Variants in NOC3L observed in about 807,000 individuals in gnomAD.
NOC3L encodes NOC3 like DNA replication regulator.
In NOC3L, 85 loss-of-function variants were observed where a neutral mutation model predicts 102.5. The observed-to-expected ratio is 0.83, with a 90% CI of 0.70 to 0.99. The LOEUF is 0.99. NOC3L is among the 50% of genes least tolerant of loss of function. The pLI, the probability that NOC3L is intolerant of heterozygous loss-of-function variation, is 0.00. For synonymous variants in NOC3L, 303 were observed against 309.4 expected (o/e 0.98, Z 0.22); for missense variants, 878 against 914.9 (o/e 0.96, Z 0.52).
Position 94,355,091 on chromosome 10 carries a change from T to C in NOC3L, c.568A>G (p.Ile190Val). Reference sequence around the variant, plus strand: ...AGCTCTTGAATAGGATCTTCAATGATCTCTAAAACAGATTAGATGTTCCCT... The same window carrying C: ...AGCTCTTGAATAGGATCTTCAATGACCTCTAAAACAGATTAGATGTTCCCT... Reference protein sequence around the residue: ...QEEERELEEEIIEDPIQELTI... With the variant: ...QEEERELEEEVIEDPIQELTI... The change falls in exon 6 of 21, where the codon ATC becomes GTC. Residue 190 changes from isoleucine (I) to valine (V), a missense_variant and splice_region_variant. By Grantham distance (29) the Ile-to-Val change is conservative. Transcript: ENST00000371361. 6.2e-7 allele frequency: 1 copy of C among 1,609,192 alleles called. No homozygotes were observed. Among genetic ancestry groups the C allele is most frequent in the Non-Finnish European group, 8.5e-7 (1 of 1,177,346 alleles).
Position 94,341,696 on chromosome 10 carries a change from G to T in NOC3L, c.1621C>A (p.Leu541Ile). ...VEFFDDLLVV[L>I]HTLIESGDLS... ...ACACCAGACTCAATGAGAGTATGAAGAACTACTAACAGATCATCAAAAAAT... is the reference window on the plus strand; with the variant it reads ...ACACCAGACTCAATGAGAGTATGAATAACTACTAACAGATCATCAAAAAAT... The change falls in exon 14 of 21, where the codon CTT (leucine) becomes ATT (isoleucine). Residue 541 changes from leucine to isoleucine, a missense_variant. By Grantham distance (5) the Leu-to-Ile change is conservative (BLOSUM62 2). Transcript: ENST00000371361. 1 of 1,554,592 alleles carries T rather than the reference G, an allele frequency of 6.4e-7. No homozygotes were observed.
intron 2 of NOC3L, 138 bp from the exon 3 acceptor site, chr10:94,358,353 G>A (rs989498265): frequency 9.1e-6 from 6 of 659,846 alleles, no homozygotes; most frequent in African/African-American, 1.8e-5. Flanking sequence ...CCAAAATGCT[G>A]GGATTACAGG....
chr10:94,317,654 T>TCCTG, the NOC3L span, among the ~76,000 whole-genome samples: 1 of 152,334 alleles, frequency 6.6e-6, no homozygotes, highest in Middle Eastern at 3.4e-3. Context: ...CCATGATCAT[T>TCCTG]CCTGGGAAGG....
chr10:94,322,760 G>A, the NOC3L span, among the ~76,000 whole-genome samples: 1 of 151,684 alleles, frequency 6.6e-6, no homozygotes, highest in South Asian at 2.1e-4. Context: ...GCGTCAGCCT[G>A]GGCAACAAGA....
At chr10:94,322,437 G>A in the NOC3L span, among the ~76,000 whole-genome samples, 1 of 151,842 alleles carries the variant, frequency 6.6e-6, no homozygotes, top group Admixed American at 6.5e-5. Flanking sequence ...GATCACTTGA[G>A]CTCATGAGTT....
chr10:94,361,585 T>C, intron 2 of NOC3L, 80 bp downstream of exon 2: 2 of 1,414,050 alleles, frequency 1.4e-6, no homozygotes, highest in Non-Finnish European at 2.0e-6. Context: ...AAGCGATTAC[T>C]AGAAAGCAAA....
chr10:94,322,285 T>TG, the NOC3L span, among the ~76,000 whole-genome samples: 5 of 151,502 alleles, frequency 3.3e-5, no homozygotes, highest in East Asian at 5.9e-4. Flanking sequence ...GCACAGGAGT[T>TG]GGAGGCTGCA....
chr10:94,318,823 A>C, the NOC3L span, among the ~76,000 whole-genome samples: 1 of 152,182 alleles, frequency 6.6e-6, no homozygotes, highest in Non-Finnish European at 1.5e-5. Flanking sequence ...CACTTTGGGA[A>C]GCCAAGGCAG....
chr10:94,360,565 G>C (rs1372020408), intron 2 of NOC3L, among the ~76,000 whole-genome samples: 1 of 152,036 alleles, frequency 6.6e-6, no homozygotes, highest in Admixed American at 6.6e-5. Flanking sequence ...GGCTGGGAAA[G>C]GCAGTTGGAG....
the NOC3L span, chr10:94,322,123 T>A: frequency 7.0e-7 from 1 of 1,423,228 alleles, no homozygotes; most frequent in Non-Finnish European, 9.9e-7. Context: ...AACAAATGTC[T>A]GTGCACTGAT....
chr10:94,324,962 A>G, the NOC3L span: 2 of 1,614,140 alleles, frequency 1.2e-6, no homozygotes, highest in Middle Eastern at 1.6e-4. Flanking sequence ...AAGTCAACTA[A>G]ACAGCCCCGA....
chr10:94,347,206 AG>A (rs981404627), intron 10 of NOC3L, among the ~76,000 whole-genome samples: 2 of 152,146 alleles, frequency 1.3e-5, no homozygotes, highest in South Asian at 2.1e-4. Flanking sequence ...TGAGAACTAC[AG>A]GTTTGTATTA....
chr10:94,350,145 T>C lies in NOC3L; in HGVS notation c.1096A>G (p.Ile366Val). The part of the protein sequence containing the change: ...FNFHNNIIVL[I>V]VPLMNDMSKL... ...GACATGTCATTCATGAGAGGGACAA[T>C]CAATACGATGATGTTGTTGTGAAAG... Residue 366 changes from isoleucine to valine, a missense_variant, in exon 9 of 21, where the codon ATT becomes GTT. Ile to Val is a conservative substitution (Grantham distance 29, BLOSUM62 3). Transcript: ENST00000371361. 1 of 1,614,092 alleles carries C rather than the reference T, an allele frequency of 6.2e-7. No homozygotes were observed. The highest frequency in any genetic ancestry group is 1.1e-5 in the South Asian group (1 of 91,068).
At chr10:94,319,864 C>CTTTTTTTTTTTTTTTTTTT in the NOC3L span, among the ~76,000 whole-genome samples, 85 of 92,922 alleles carry the variant, frequency 9.1e-4, 7 homozygotes, top group African/African-American at 2.5e-3. Flanking sequence ...CAAAGGTGCT[C>CTTTTTTTTTTTTTTTTTTT]TTTTTTTTTT....
the NOC3L span, chr10:94,316,667 G>C: frequency 6.2e-7 from 1 of 1,613,550 alleles, no homozygotes; most frequent in South Asian, 1.1e-5. Flanking sequence ...GAGAGCCATT[G>C]GTCCAGAAGA....
At chr10:94,345,473 G>C (rs1476524353) in intron 11 of NOC3L, among the ~76,000 whole-genome samples, 1 of 151,928 alleles carries the variant, frequency 6.6e-6, no homozygotes. Flanking sequence ...ACCTAATGCT[G>C]TAAGAGCAGT....
Position 94,354,995 on chromosome 10 carries a change from C to G in NOC3L, c.664G>C (p.Ala222Pro). 4 of 1,613,192 alleles carry G rather than the reference C, an allele frequency of 2.5e-6. No homozygotes were observed. The highest frequency in any genetic ancestry group is 3.4e-6 in the Non-Finnish European group (4 of 1,179,716). The stretch of plus-strand genomic sequence containing the variant: ...TCTGGATCTGATAATATGGCAGATG[C>G]CAAGGCTGCAATATGCATCTTCTTC... ...QEKKMHIAAL[A>P]SAILSDPENN... The change falls in exon 6 of 21, where the codon GCA becomes CCA. Residue 222 changes from alanine to proline, a missense_variant. Physicochemically the swap from Ala to Pro is conservative, Grantham distance 27. Transcript: ENST00000371361.
At chr10:94,355,712 A>G (rs1252882826) in intron 5 of NOC3L, among the ~76,000 whole-genome samples, 2 of 152,138 alleles carry the variant, frequency 1.3e-5, no homozygotes, top group Non-Finnish European at 2.9e-5. Flanking sequence ...CTTAGCTTCT[A>G]TGATAATAAG....
chr10:94,339,647 AATAAT>A, intron 17 of NOC3L, 87 bp downstream of exon 17: 1 of 999,140 alleles, frequency 1.0e-6, no homozygotes, highest in Admixed American at 2.8e-5. Flanking sequence ...CTGTAATTGA[AATAAT>A]ATAAAAGGGG....
Sources: allele counts gnomAD v4.1 joint callset (sites outside exome capture counted in the v4.1 genomes callset), GRCh38; gene constraint gnomAD v4.1.1; transcripts MANE v1.5; gene names NCBI Gene and HGNC (gene_info 2026-07-23, HGNC 2026-07-21).